Variants in ARHGAP24 observed in about 807,000 individuals in gnomAD.
ARHGAP24 encodes rho GTPase-activating protein 24.
A neutral mutation model predicts 76.4 loss-of-function variants in ARHGAP24; 50 were observed. That is an observed-to-expected ratio of 0.65 (90% CI 0.52 to 0.83). The LOEUF is 0.83. ARHGAP24 is among the 40% of genes least tolerant of loss of function. The pLI is 0.00. For missense variants in ARHGAP24, 930 were observed against 914.2 expected (o/e 1.02, Z -0.22); for synonymous variants, 345 against 323.3 (o/e 1.07, Z -0.72).
At chr4:85,716,535 T>G (rs895543792) in intron 2 of ARHGAP24, among the ~76,000 whole-genome samples, 1 of 152,108 alleles carries the variant, frequency 6.6e-6, no homozygotes, top group Non-Finnish European at 1.5e-5. Context: ...TTGTTGTACT[T>G]GAGCCTCTTC....
intron 2 of ARHGAP24, among the ~76,000 whole-genome samples, chr4:85,571,672 C>T (rs556502297): frequency 2.4e-4 from 36 of 152,110 alleles, no homozygotes; most frequent in African/African-American, 8.4e-4. Flanking sequence ...CTAAAAATAG[C>T]AATAAAAATA....
intron 2 of ARHGAP24, among the ~76,000 whole-genome samples, chr4:85,690,283 T>G (rs536199288): frequency 9.7e-4 from 147 of 152,264 alleles, no homozygotes; most frequent in African/African-American, 3.2e-3. Flanking sequence ...TCTTTTTTAT[T>G]GTGTCTGCCA....
intron 2 of ARHGAP24, among the ~76,000 whole-genome samples, chr4:85,623,187 A>G (rs1720787652): frequency 6.6e-6 from 1 of 152,176 alleles, no homozygotes; most frequent in African/African-American, 2.4e-5. Context: ...TATGTCCTGA[A>G]TGGTAATGCC....
At chr4:85,949,600 G>A (rs369706554) in intron 5 of ARHGAP24, among the ~76,000 whole-genome samples, 2 of 152,222 alleles carry the variant, frequency 1.3e-5, no homozygotes, top group East Asian at 1.9e-4. Flanking sequence ...TCTTTACACC[G>A]TGGCTCAGTA....
At chr4:85,610,314 G>A (rs1015896679) in intron 2 of ARHGAP24, among the ~76,000 whole-genome samples, 2 of 151,494 alleles carry the variant, frequency 1.3e-5, no homozygotes, top group Non-Finnish European at 2.9e-5. Flanking sequence ...TGTGGTGGCG[G>A]ACACCTGTAG....
chr4:85,785,182 C>A (rs2110089035), intron 3 of ARHGAP24, among the ~76,000 whole-genome samples: 1 of 152,194 alleles, frequency 6.6e-6, no homozygotes, highest in East Asian at 1.9e-4. Flanking sequence ...TATGTCAAAA[C>A]CTTCTATGTG....
chr4:85,594,804 A>G (rs918912527), intron 2 of ARHGAP24, among the ~76,000 whole-genome samples: 4 of 152,108 alleles, frequency 2.6e-5, no homozygotes, highest in Non-Finnish European at 5.9e-5. Flanking sequence ...AAAAACAAAA[A>G]TAACTAAAAT....
Position 85,686,714 on chromosome 4 carries a change from A to G in ARHGAP24, c.181-35171A>G, listed in dbSNP as rs1723434789. On this transcript the variant is annotated intron_variant, in intron 2 of 9. Transcript: ENST00000395184. ...AAAAGAAAAGTATAACTTGTGAAAT[A>G]CAAATACACTTGTGAAATATGAACA... 4 of 152,334 alleles carry G rather than the reference A, an allele frequency of 2.6e-5. No homozygotes were observed. The South Asian group carries it at 8.3e-4, about 32-fold the overall frequency. The allele number at this position is 152,334 out of a possible 1,614,324, so 9.4% of individuals were successfully genotyped here. A position where few individuals can be genotyped will look rare whatever the true frequency, so the allele number is the denominator to read the frequency against.
At chr4:85,538,531 A>T (rs1725561860) in intron 1 of ARHGAP24, among the ~76,000 whole-genome samples, 1 of 152,136 alleles carries the variant, frequency 6.6e-6, no homozygotes, top group Non-Finnish European at 1.5e-5. Flanking sequence ...AAGACACAGG[A>T]TGGTCAGTAA....
At chr4:85,650,713 C>T (rs1395886751) in intron 2 of ARHGAP24, among the ~76,000 whole-genome samples, 1 of 149,298 alleles carries the variant, frequency 6.7e-6, no homozygotes, top group Non-Finnish European at 1.5e-5. Flanking sequence ...TATATATTTA[C>T]AGGCTAGCTA....
intron 3 of ARHGAP24, among the ~76,000 whole-genome samples, chr4:85,817,098 A>G (rs1729271297): frequency 6.6e-6 from 1 of 152,038 alleles, no homozygotes; most frequent in African/African-American, 2.4e-5. Context: ...GTAGTCCTTT[A>G]TTCATTTTTA....
At chr4:85,875,040 T>TTA (rs554669913) in intron 3 of ARHGAP24, among the ~76,000 whole-genome samples, 1 of 42,858 alleles carries the variant, frequency 2.3e-5, no homozygotes, top group African/African-American at 8.7e-5. Flanking sequence ...ATATACTATA[T>TTA]TATTTATATA....
At chr4:85,788,075 C>T (rs1270744636) in intron 3 of ARHGAP24, among the ~76,000 whole-genome samples, 2 of 152,108 alleles carry the variant, frequency 1.3e-5, no homozygotes, top group Non-Finnish European at 2.9e-5. Context: ...GAAGCCCAAA[C>T]GTAGCCACAG....
At chr4:85,494,018 C>A (rs1723460172) in intron 1 of ARHGAP24, among the ~76,000 whole-genome samples, 1 of 152,272 alleles carries the variant, frequency 6.6e-6, no homozygotes, top group African/African-American at 2.4e-5. Context: ...ATGGTGACTT[C>A]ATGTTGACCT....
intron 3 of ARHGAP24, among the ~76,000 whole-genome samples, chr4:85,791,305 CAT>C (rs1728111002): frequency 6.6e-6 from 1 of 152,092 alleles, no homozygotes. Context: ...GATACTATAA[CAT>C]ATTCAGATTG....
At chr4:85,841,734 A>G (rs1370365497) in intron 3 of ARHGAP24, among the ~76,000 whole-genome samples, 1 of 152,254 alleles carries the variant, frequency 6.6e-6, no homozygotes, top group East Asian at 1.9e-4. Context: ...GTACACCTGT[A>G]TATAAAACAC....
At chr4:85,656,281 G>A (rs1722166848) in intron 2 of ARHGAP24, among the ~76,000 whole-genome samples, 1 of 152,120 alleles carries the variant, frequency 6.6e-6, no homozygotes, top group Non-Finnish European at 1.5e-5. Context: ...ATTAAAATTT[G>A]ACAATGTAAA....
chr4:85,663,753 T>C (rs1308254776), intron 2 of ARHGAP24, among the ~76,000 whole-genome samples: 1 of 151,794 alleles, frequency 6.6e-6, no homozygotes, highest in East Asian at 1.9e-4. Context: ...TGTCAAAGGC[T>C]TTTTCTGCAT....
intron 8 of ARHGAP24, among the ~76,000 whole-genome samples, chr4:85,979,451 A>C (rs1243771538): frequency 6.6e-6 from 1 of 151,992 alleles, no homozygotes; most frequent in Non-Finnish European, 1.5e-5. Flanking sequence ...TACATTGCAA[A>C]ACTGAAACTC....
Sources: allele counts gnomAD v4.1 joint callset (sites outside exome capture counted in the v4.1 genomes callset), GRCh38; gene constraint gnomAD v4.1.1; transcripts MANE v1.5; gene names NCBI Gene and HGNC (gene_info 2026-07-23, HGNC 2026-07-21).